The following MYO19 variants were observed in gnomAD, a reference collection of about 807,000 sequenced individuals.
MYO19 encodes the protein unconventional myosin-XIX.
A neutral mutation model predicts 129.2 loss-of-function variants in MYO19; 132 were observed. The observed-to-expected ratio is 1.02, with a 90% CI of 0.89 to 1.18. The LOEUF is 1.18. MYO19 is among the 50% of genes most tolerant of loss of function. The pLI is 0.00. For synonymous variants in MYO19, 531 were observed against 477.2 expected, an observed-to-expected ratio of 1.11 and a Z score of -1.47; for missense variants, 1,210 against 1,216.7, an observed-to-expected ratio of 0.99 and a Z score of 0.08.
At chr17:36,511,130 T>C (rs2072294415) in intron 12 of MYO19, 2 of 671,792 alleles carry the variant, frequency 3.0e-6, no homozygotes, top group East Asian at 2.7e-5. Context: ...CTGCCATGTA[T>C]GGGACAAATC....
chr17:36,511,584 T>C (rs1376743971), intron 11 of MYO19, 129 bp from the exon 12 acceptor site: 1 of 755,850 alleles, frequency 1.3e-6, no homozygotes, highest in African/African-American at 1.7e-5. Flanking sequence ...CAAGTGCCCA[T>C]CTCTGCCAGA....
At chr17:36,518,004 C>T (rs1332297294) in intron 6 of MYO19, among the ~76,000 whole-genome samples, 2 of 151,588 alleles carry the variant, frequency 1.3e-5, no homozygotes, top group East Asian at 1.9e-4. Context: ...GCAGGAGAAT[C>T]GCTTGAACCC....
chr17:36,506,800 G>A, intron 17 of MYO19, 163 bp downstream of exon 17: 1 of 1,093,586 alleles, frequency 9.1e-7, no homozygotes, highest in Non-Finnish European at 1.3e-6. Flanking sequence ...GGTCATGCTT[G>A]ATTAGTGGAG....
In MYO19 at chr17:36,512,676, C is replaced by T. The variant is rs549118023; in HGVS notation, c.894+753G>A. 1.1e-5 allele frequency: 14 copies of T among 1,289,146 alleles called. No individual in the cohort carries two copies. In the African/African-American group the frequency reaches 1.8e-4, roughly 17 times the overall value. The allele number at this position is 1,289,146 out of a possible 1,614,324, so 79.9% of individuals were successfully genotyped here. ...TTCTTACCTGGCAGTGTCTGAGCAG[C>T]CCCCATCTGGAGGTGAGGGTCACTT... is the stretch of plus-strand genomic sequence containing the variant. On this transcript the variant is annotated intron_variant, in intron 11 of 25. Coordinates refer to ENST00000614623, the MANE Select transcript of MYO19 (RefSeq NM_001163735.2).
chr17:36,509,334 T>C lies in MYO19; in HGVS notation c.1158-199A>G, dbSNP rs968065770. The C allele has an allele frequency of 3.6e-5, 22 of 606,754 alleles. 1 individual carries two copies. Among genetic ancestry groups the C allele is most frequent in the Non-Finnish European group, 5.3e-5 (18 of 339,138 alleles). 37.6% of individuals were successfully genotyped at this position (606,754 alleles called of 1,614,324 possible). On this transcript the variant is annotated intron_variant, in intron 13 of 25. Coordinates refer to ENST00000614623, the MANE Select transcript of MYO19 (RefSeq NM_001163735.2). ...TACAGATGCAGGCTATGGGCATGCA[T>C]GTTGCCAGGTACACACAAACCTGGC... is the stretch of plus-strand genomic sequence containing the variant.
At chr17:36,502,061 A>T (rs906195092) in intron 21 of MYO19, 3 of 153,104 alleles carry the variant, frequency 2.0e-5, no homozygotes, top group Non-Finnish European at 4.4e-5. Context: ...AGGGGAGGAA[A>T]CAAAGCAGGA....
At chr17:36,538,465 C>G (rs368224149), upstream of MYO19, 139 of 1,613,964 alleles carry the variant, frequency 8.6e-5, no homozygotes, top group Non-Finnish European at 1.1e-4. Context: ...TTCTTGCTGT[C>G]AAATATAACA....
intron 25 of MYO19, chr17:36,497,554 T>C: frequency 1.0e-6 from 1 of 985,280 alleles, no homozygotes; most frequent in Non-Finnish European, 1.2e-6. Context: ...TTTTTCCTCT[T>C]TTCTGTAATT....
intron 21 of MYO19, chr17:36,501,448 T>C: frequency 2.0e-6 from 1 of 510,354 alleles, no homozygotes; most frequent in Non-Finnish European, 3.4e-6. Context: ...AGCCTTGGAA[T>C]ACCCACTTGC....
chr17:36,516,045 G>A, intron 6 of MYO19, 55 bp from the exon 7 acceptor site: 1 of 1,539,348 alleles, frequency 6.5e-7, no homozygotes, highest in Non-Finnish European at 8.8e-7. Flanking sequence ...CCACTTCTGA[G>A]CCTGCCTGAG....
chr17:36,502,016 G>C (rs1278254823), intron 21 of MYO19: 4 of 152,998 alleles, frequency 2.6e-5, no homozygotes, highest in African/African-American at 9.6e-5. Flanking sequence ...GAGAAGAAAG[G>C]AGAAAGGGTG....
At chr17:36,542,111 A>G (rs1275641515) in exon 2 of MYO19, 2 of 152,220 alleles carry the variant, frequency 1.3e-5, no homozygotes, top group African/African-American at 2.4e-5. Flanking sequence ...GCCTTTAAGA[A>G]TACGTTTTCA....
At chr17:36,500,129 A>G (rs967540777) in intron 23 of MYO19, 1 of 152,146 alleles carries the variant, frequency 6.6e-6, no homozygotes, top group African/African-American at 2.4e-5. Flanking sequence ...AAATGCTGGG[A>G]TTACAGGAGC....
rs1017311106 is a variant in MYO19 at position 36,501,197 on chromosome 17, G to A, written c.2119C>T (p.Leu707Phe). ...AGAGTGTGGAGAATGTCCTGGATGA[G>A]AGGTTCAAGCGTGGCTTCCTCGCTG... ...PHSEEATLEP[L>F]IQDILHTLPV... Residue 707 changes from leucine (L) to phenylalanine (F), a missense_variant, in exon 22 of 26, where the codon CTC becomes TTC. Leu to Phe is a conservative substitution (Grantham distance 22). Coordinates refer to ENST00000614623, the MANE Select transcript of MYO19 (RefSeq NM_001163735.2). The A allele has an allele frequency of 1.2e-6, 2 of 1,613,982 alleles. No homozygotes were observed. Among genetic ancestry groups the A allele is most frequent in the Admixed American group, 1.7e-5 (1 of 60,028 alleles).
chr17:36,512,814 C>A, intron 11 of MYO19: 1 of 1,272,982 alleles, frequency 7.9e-7, no homozygotes. Context: ...AGGTAGTCAG[C>A]TCTGTCAGCA....
At chr17:36,515,372 G>A (rs1331414294) in intron 7 of MYO19, among the ~76,000 whole-genome samples, 190 bp from the exon 8 acceptor site, 3 of 152,176 alleles carry the variant, frequency 2.0e-5, no homozygotes, top group Non-Finnish European at 4.4e-5. Context: ...GGATTCAGGG[G>A]AGTTAGAAGA....
At chr17:36,497,507 A>G (rs2142645759) in intron 25 of MYO19, 1 of 983,754 alleles carries the variant, frequency 1.0e-6, no homozygotes, top group Non-Finnish European at 1.2e-6. Flanking sequence ...TTTGCTCTCA[A>G]GTCTTGGGTA....
rs185071171 is a variant in MYO19 at position 36,517,408 on chromosome 17, C to T, written c.415-1418G>A. Among the ~76,000 whole-genome samples the T allele has an allele frequency of 1.5e-3, 224 of 152,152 alleles. 1 individual carries two copies. The highest frequency in any genetic ancestry group is 9.4e-3 in the South Asian group (45 of 4,808). ...CTGAGGAGCTGGGACTACAGGCGCT[C>T]GCCACCATGCCCAGCTAATTTTTGT... On this transcript the variant is annotated intron_variant, in intron 6 of 25. Transcript: ENST00000614623.
At chr17:36,503,864 C>G (rs2071698788) in intron 20 of MYO19, 86 bp downstream of exon 20, 2 of 1,131,322 alleles carry the variant, frequency 1.8e-6, no homozygotes, top group Non-Finnish European at 1.2e-6. Flanking sequence ...ACATCTCACT[C>G]TGGGTTGGGC....
Sources: gnomAD v4.1 joint callset for allele counts (sites outside exome capture counted in the v4.1 genomes callset) on GRCh38, gnomAD v4.1.1 for gene constraint, MANE v1.5 for transcripts, NCBI Gene and HGNC (gene_info 2026-07-23, HGNC 2026-07-21) for gene names.